The following MTMR9 variants were observed in gnomAD, a reference collection of about 807,000 sequenced individuals.
MTMR9 encodes the protein myotubularin related protein 9.
A neutral mutation model predicts 69.5 loss-of-function variants in MTMR9; 39 were observed. The observed-to-expected ratio is 0.56, with a 90% CI of 0.43 to 0.73. The LOEUF (loss-of-function observed/expected upper bound fraction) is 0.73. MTMR9 is among the 30% of genes least tolerant of loss of function. The pLI, the probability that MTMR9 is intolerant of heterozygous loss-of-function variation, is 0.00. For missense variants in MTMR9, 900 were observed against 671.2 expected (o/e 1.34, Z -3.77); for synonymous variants, 354 against 240.8 (o/e 1.47, Z -4.35).
At chr8:11,299,098 C>T (rs1185982975) in intron 2 of MTMR9, among the ~76,000 whole-genome samples, 6 of 152,182 alleles carry the variant, frequency 3.9e-5, no homozygotes, top group Admixed American at 3.9e-4. Context: ...GAGGCTGAGG[C>T]AGGCAGATCA....
intron 7 of MTMR9, 24 bp downstream of exon 7, chr8:11,315,088 A>G (rs746147424): frequency 6.2e-7 from 1 of 1,606,268 alleles, no homozygotes; most frequent in Non-Finnish European, 8.5e-7. Flanking sequence ...TTTGATTCAC[A>G]GAGGAACTGC....
At chr8:11,318,374 C>T (rs1800517481) in intron 8 of MTMR9, 1 of 152,244 alleles carries the variant, frequency 6.6e-6, no homozygotes. Flanking sequence ...TAGCGTGGGA[C>T]ATGCTATCCC....
At chr8:11,290,389 G>A (rs771314027) in intron 1 of MTMR9, among the ~76,000 whole-genome samples, 1 of 152,000 alleles carries the variant, frequency 6.6e-6, no homozygotes, top group Non-Finnish European at 1.5e-5. Context: ...CATTACGAAT[G>A]TTTTCTAGTG....
chr8:11,286,514 A>G (rs1360979357), intron 1 of MTMR9, among the ~76,000 whole-genome samples: 1 of 151,718 alleles, frequency 6.6e-6, no homozygotes, highest in East Asian at 2.0e-4. Context: ...AAAATACAAA[A>G]AATTAACCGG....
Position 11,319,669 on chromosome 8 carries a change from G to C in MTMR9, c.1335-18G>C. ...TTATAAATTAATTACTTTAATGGCA[G>C]TGTTCTTTCTTGATCAGATGTAAGT... On this transcript the variant is annotated intron_variant, in intron 8 of 9. Transcript: ENST00000221086. The C allele has an allele frequency of 6.2e-7, 1 of 1,612,420 alleles. No individual in the cohort carries two copies. The highest frequency in any genetic ancestry group is 8.5e-7 in the Non-Finnish European group (1 of 1,179,670).
chr8:11,289,328 TA>T (rs1799299786), intron 1 of MTMR9, among the ~76,000 whole-genome samples: 1 of 152,252 alleles, frequency 6.6e-6, no homozygotes, highest in South Asian at 2.1e-4. Flanking sequence ...TGCCTCTTAC[TA>T]GACAAGTGCC....
rs1372568417 is a variant in MTMR9, at chr8:11,325,871, G to A, written c.*3083G>A. 1.3e-5 allele frequency: 2 copies of A among 151,992 alleles called. No individual in the cohort carries two copies. The highest frequency in any genetic ancestry group is 2.4e-5 in the African/African-American group (1 of 41,378). 9.4% of individuals were successfully genotyped at this position (151,992 alleles called of 1,614,324 possible). On this transcript the variant is annotated 3_prime_UTR_variant, in exon 10 of 10. Transcript: ENST00000221086. ...TATTTTATTTCCAAGAAAACTTAGG[G>A]TCTCAAAGCAAGATTTTAAAGTGAT...
chr8:11,293,996 A>G (rs1366792914), intron 1 of MTMR9, among the ~76,000 whole-genome samples: 1 of 152,148 alleles, frequency 6.6e-6, no homozygotes, highest in African/African-American at 2.4e-5. Context: ...CTTTGTTCTT[A>G]TTCAAAGTTG....
the MTMR9 span, among the ~76,000 whole-genome samples, chr8:11,334,138 G>C: frequency 6.6e-6 from 1 of 152,164 alleles, no homozygotes; most frequent in South Asian, 2.1e-4. Flanking sequence ...AGCTTCCAGA[G>C]CCTTGAGCCA....
In MTMR9 at chr8:11,304,864, T is replaced by C. The variant is rs1799881099; in HGVS notation, c.441T>C (p.Tyr147=). The change falls in exon 4 of 10, where the codon TAT becomes TAC. Residue 147 remains tyrosine, a synonymous_variant. Transcript: ENST00000221086. ...SSATSEWRLS[Y]VNKEFAVCPS... ...AGACCAGTGAATGGAGGCTAAGCTATGTCAATAAGGAATTTGCTGTCTGTC... is the reference window on the plus strand; with the variant it reads ...AGACCAGTGAATGGAGGCTAAGCTACGTCAATAAGGAATTTGCTGTCTGTC... 6.2e-7 allele frequency: 1 copy of C among 1,613,962 alleles called. No individual in the cohort carries two copies. Among genetic ancestry groups the C allele is most frequent in the Non-Finnish European group, 8.5e-7 (1 of 1,179,960 alleles).
intron 9 of MTMR9, chr8:11,321,218 G>C: frequency 5.9e-6 from 2 of 337,208 alleles, no homozygotes; most frequent in Non-Finnish European, 1.2e-5. Flanking sequence ...ATGGTCTTGA[G>C]GTTCTGGGTG....
At chr8:11,295,024 T>C (rs1447110156) in intron 1 of MTMR9, 170 bp from the exon 2 acceptor site, 7 of 467,736 alleles carry the variant, frequency 1.5e-5, no homozygotes, top group Non-Finnish European at 2.6e-5. Context: ...TTGTAAGTAA[T>C]GTATGGCTCA....
chr8:11,330,482 G>A (rs1179508938), downstream of MTMR9, among the ~76,000 whole-genome samples: 1 of 152,232 alleles, frequency 6.6e-6, no homozygotes, highest in South Asian at 2.1e-4. Context: ...AGAAAAGGGG[G>A]AAAGGTGGGG....
At chr8:11,337,347 G>A in the MTMR9 span, among the ~76,000 whole-genome samples, 563 of 152,296 alleles carry the variant, frequency 3.7e-3, 9 homozygotes, top group East Asian at 2.1e-3. Flanking sequence ...TTAGTAATAG[G>A]TGGTACAAGG....
intron 9 of MTMR9, among the ~76,000 whole-genome samples, chr8:11,321,860 T>G (rs957088542): frequency 1.3e-5 from 2 of 152,066 alleles, no homozygotes; most frequent in African/African-American, 2.4e-5. Flanking sequence ...GGCAGTTTGG[T>G]TTGTAGAGAG....
chr8:11,319,644 T>C, intron 8 of MTMR9, 43 bp from the exon 9 acceptor site: 1 of 1,604,268 alleles, frequency 6.2e-7, no homozygotes, highest in Non-Finnish European at 8.5e-7. Flanking sequence ...ATAATGGTTG[T>C]TATAAATTAA....
intron 1 of MTMR9, among the ~76,000 whole-genome samples, chr8:11,292,853 C>T (rs987381005): frequency 1.3e-5 from 2 of 152,158 alleles, no homozygotes; most frequent in African/African-American, 2.4e-5. Flanking sequence ...AACAACAAAC[C>T]TGGGCTGCCA....
At chr8:11,337,099 T>C in the MTMR9 span, among the ~76,000 whole-genome samples, 7 of 152,180 alleles carry the variant, frequency 4.6e-5, no homozygotes, top group Non-Finnish European at 1.0e-4. Context: ...AGAGGCTACA[T>C]ACAGCATTCT....
downstream of MTMR9, chr8:11,331,281 C>T (rs750444640): frequency 1.1e-5 from 18 of 1,613,864 alleles, no homozygotes; most frequent in East Asian, 4.5e-5. Context: ...CCCCCTTTCT[C>T]GTATGGCTTA....
Sources: allele counts gnomAD v4.1 joint callset (sites outside exome capture counted in the v4.1 genomes callset), GRCh38; gene constraint gnomAD v4.1.1; transcripts MANE v1.5; gene names NCBI Gene and HGNC (gene_info 2026-07-23, HGNC 2026-07-21).